Variants in PTPN20 observed in about 807,000 individuals in gnomAD.
PTPN20 encodes the protein tyrosine-protein phosphatase non-receptor type 20.
A neutral mutation model predicts 35.0 loss-of-function variants in PTPN20; 9 were observed. That is an observed-to-expected ratio of 0.26 (90% CI 0.15 to 0.45). PTPN20 has a LOEUF of 0.45. PTPN20 is among the 20% of genes least tolerant of loss of function. The pLI, the probability that PTPN20 is intolerant of heterozygous loss-of-function variation, is 1.00. For missense variants in PTPN20, 111 were observed against 312.5 expected, an observed-to-expected ratio of 0.36 and a Z score of 4.86; for synonymous variants, 32 against 100.2, an observed-to-expected ratio of 0.32 and a Z score of 4.06.
intron 9 of PTPN20, among the ~76,000 whole-genome samples, chr10:46,998,075 A>G (rs2138021389): frequency 6.6e-6 from 1 of 152,346 alleles, no homozygotes; most frequent in Admixed American, 6.5e-5. Flanking sequence ...AGAAAACAAA[A>G]ACAAAACTAA....
downstream of PTPN20, among the ~76,000 whole-genome samples, chr10:47,002,977 C>G (rs1468415749): frequency 2.0e-5 from 3 of 151,898 alleles, no homozygotes; most frequent in Non-Finnish European, 2.9e-5. Context: ...CTTTTATTTC[C>G]TACTTAATTT....
At chr10:46,926,770 C>T (rs1237020070) in intron 1 of PTPN20, among the ~76,000 whole-genome samples, 5 of 151,662 alleles carry the variant, frequency 3.3e-5, no homozygotes, top group Non-Finnish European at 5.9e-5. Context: ...AGAATATTCT[C>T]CTTGTGGAGT....
chr10:46,988,922 A>G (rs2137071765), intron 9 of PTPN20, among the ~76,000 whole-genome samples: 1 of 147,624 alleles, frequency 6.8e-6, no homozygotes, highest in African/African-American at 2.4e-5. Flanking sequence ...ATTGGAGTCT[A>G]GAAATATCAC....
intron 9 of PTPN20, among the ~76,000 whole-genome samples, chr10:46,988,944 T>G (rs2057389054): frequency 6.8e-6 from 1 of 146,816 alleles, no homozygotes; most frequent in Non-Finnish European, 1.5e-5. Context: ...GATTTTTGTA[T>G]GTCGACTTTG....
chr10:46,946,724 G>T (rs1405189361), intron 5 of PTPN20, 49 bp downstream of exon 5: 1 of 1,404,284 alleles, frequency 7.1e-7, no homozygotes, highest in African/African-American at 1.5e-5. Context: ...CTATTTTAGA[G>T]ATATGCACAA....
At chr10:46,925,138 G>T (rs1320909788) in intron 1 of PTPN20, among the ~76,000 whole-genome samples, 1 of 151,238 alleles carries the variant, frequency 6.6e-6, no homozygotes, top group African/African-American at 2.5e-5. Context: ...AAGGTATGGG[G>T]CTGGTGGTCT....
chr10:46,918,755 G>A (rs2132191825), intron 1 of PTPN20, among the ~76,000 whole-genome samples: 1 of 135,888 alleles, frequency 7.4e-6, no homozygotes, highest in Non-Finnish European at 1.5e-5. Flanking sequence ...TCAGTTTAAT[G>A]TTTTATGGTT....
At chr10:46,920,519 T>C (rs1555107063) in intron 1 of PTPN20, among the ~76,000 whole-genome samples, 1 of 150,414 alleles carries the variant, frequency 6.6e-6, no homozygotes, top group Non-Finnish European at 1.5e-5. Flanking sequence ...CCATAGACAA[T>C]TAAAGACAAC....
intron 2 of PTPN20, among the ~76,000 whole-genome samples, chr10:46,936,419 A>G (rs1342511660): frequency 1.8e-4 from 27 of 152,108 alleles, no homozygotes; most frequent in African/African-American, 6.3e-4. Flanking sequence ...CTGATTTAGT[A>G]TCTATTCCAT....
chr10:46,998,139 T>G (rs2059470760), intron 9 of PTPN20, among the ~76,000 whole-genome samples: 1 of 152,224 alleles, frequency 6.6e-6, no homozygotes, highest in South Asian at 2.1e-4. Flanking sequence ...TATCCCAGAT[T>G]AATCAAAATT....
chr10:46,926,806 A>G (rs2037570197), intron 1 of PTPN20, among the ~76,000 whole-genome samples: 1 of 151,760 alleles, frequency 6.6e-6, no homozygotes, highest in Non-Finnish European at 1.5e-5. Flanking sequence ...TAATTTTCTG[A>G]ATAACAAGGT....
chr10:46,954,586 A>C (rs1173017420), intron 5 of PTPN20, among the ~76,000 whole-genome samples: 1 of 146,028 alleles, frequency 6.8e-6, no homozygotes, highest in African/African-American at 2.7e-5. Context: ...GTCTTATCTT[A>C]ACTGATCACC....
chr10:46,947,436 C>T (rs1462117171), intron 5 of PTPN20, among the ~76,000 whole-genome samples: 16 of 150,520 alleles, frequency 1.1e-4, no homozygotes, highest in Non-Finnish European at 1.9e-4. Flanking sequence ...AGATCTCCTA[C>T]AAAAATAGTT....
intron 1 of PTPN20, among the ~76,000 whole-genome samples, chr10:46,930,420 TG>T: frequency 6.6e-6 from 1 of 151,606 alleles, no homozygotes; most frequent in African/African-American, 2.4e-5. Context: ...TAATTAAAAT[TG>T]TACTATTTTG....
At chr10:46,992,294 T>C (rs1215167917) in intron 9 of PTPN20, among the ~76,000 whole-genome samples, 1 of 152,008 alleles carries the variant, frequency 6.6e-6, no homozygotes, top group Non-Finnish European at 1.5e-5. Context: ...CACTAGTTTT[T>C]GTATTTTTAG....
intron 7 of PTPN20, among the ~76,000 whole-genome samples, chr10:46,979,006 A>T (rs1460264030): frequency 5.0e-4 from 76 of 152,040 alleles, no homozygotes; most frequent in Middle Eastern, 3.4e-3. Flanking sequence ...GAGAATCACA[A>T]CCAGTCAATA....
intron 1 of PTPN20, among the ~76,000 whole-genome samples, chr10:46,918,726 T>A (rs2033921048): frequency 7.1e-6 from 1 of 141,076 alleles, no homozygotes; most frequent in Non-Finnish European, 1.5e-5. Context: ...ATTCCATTTT[T>A]AAAAACATAT....
chr10:46,999,852 C>T, intron 9 of PTPN20, 60 bp from the exon 10 acceptor site: 1 of 1,582,004 alleles, frequency 6.3e-7, no homozygotes, highest in South Asian at 1.1e-5. Context: ...TTTTGGCAAT[C>T]TGTGAATTTG....
intron 7 of PTPN20, among the ~76,000 whole-genome samples, chr10:46,977,461 A>C (rs2054111411): frequency 6.6e-6 from 1 of 152,280 alleles, no homozygotes; most frequent in Non-Finnish European, 1.5e-5. Flanking sequence ...ATCTGATAAG[A>C]TGTAAAGGCA....
Sources: allele counts gnomAD v4.1 joint callset (sites outside exome capture counted in the v4.1 genomes callset), GRCh38; gene constraint gnomAD v4.1.1; transcripts MANE v1.5; gene names NCBI Gene and HGNC (gene_info 2026-07-23, HGNC 2026-07-21).